RNF216: variants seen among roughly 807,000 people sequenced by gnomAD.
The protein encoded by RNF216 is ring finger protein 216.
A neutral mutation model predicts 110.8 loss-of-function variants in RNF216; 72 were observed. The ratio of observed to expected loss-of-function variants is 0.65; its 90% CI spans 0.54 to 0.79. The LOEUF (loss-of-function observed/expected upper bound fraction) is 0.79, where lower values mean the gene tolerates loss of function less well. Ranked by LOEUF, RNF216 falls within the 30% of genes least tolerant of loss-of-function variation. The pLI is 0.00. For synonymous variants in RNF216, 495 were observed against 407.5 expected (o/e 1.21, Z -2.59); for missense variants, 1,342 against 1,141.2 (o/e 1.18, Z -2.54).
chr7:5,724,526 C>T (rs777902188), intron 8 of RNF216, among the ~76,000 whole-genome samples: 2 of 152,206 alleles, frequency 1.3e-5, no homozygotes, highest in Non-Finnish European at 2.9e-5. Context: ...CTACATTCTG[C>T]CACAGGCCAG....
intron 1 of RNF216, among the ~76,000 whole-genome samples, chr7:5,772,302 A>G (rs536541892): frequency 1.7e-4 from 26 of 152,316 alleles, no homozygotes; most frequent in Admixed American, 1.5e-3. Context: ...TAACAGCAGA[A>G]TAGTCTTTGA....
At chr7:5,646,836 T>G (rs546041376) in intron 14 of RNF216, among the ~76,000 whole-genome samples, 1 of 152,112 alleles carries the variant, frequency 6.6e-6, no homozygotes, top group African/African-American at 2.4e-5. Context: ...ATCTTTGCAG[T>G]TGGAGTACTC....
chr7:5,642,913 C>T (rs1326925385), intron 14 of RNF216, among the ~76,000 whole-genome samples: 1 of 152,028 alleles, frequency 6.6e-6, no homozygotes, highest in East Asian at 1.9e-4. Flanking sequence ...TGTGGCACTC[C>T]AGTTGCCTGG....
rs1795725180 is a variant in RNF216, at chr7:5,757,822, A to G, written c.67+3181T>C. 2.6e-5 allele frequency among the ~76,000 whole-genome samples: 4 copies of G among 152,166 alleles called. No individual in the cohort carries two copies. In the South Asian group the frequency reaches 8.3e-4, roughly 32 times the overall value. ...TTCAGGTGGTATATTCATTTTATAC[A>G]CTTTTAACAAAACTACAGAGGTTGA... On this transcript the variant is annotated intron_variant, in intron 2 of 16. Transcript: ENST00000389902.
intron 3 of RNF216, among the ~76,000 whole-genome samples, chr7:5,749,909 C>G (rs1795242960): frequency 6.6e-6 from 1 of 152,054 alleles, no homozygotes; most frequent in African/African-American, 2.4e-5. Context: ...TGAAACACTG[C>G]TGGTTCTTTT....
At chr7:5,740,603 AG>A (rs1247132579) in intron 4 of RNF216, among the ~76,000 whole-genome samples, 1 of 152,224 alleles carries the variant, frequency 6.6e-6, no homozygotes, top group Non-Finnish European at 1.5e-5. Context: ...AACAGCCACA[AG>A]GAGCTAGTAA....
At chr7:5,674,951 C>A (rs751135288) in intron 13 of RNF216, among the ~76,000 whole-genome samples, 1 of 151,796 alleles carries the variant, frequency 6.6e-6, no homozygotes, top group African/African-American at 2.4e-5. Context: ...GAGCTGAGAT[C>A]GCGCCACTGC....
intron 13 of RNF216, among the ~76,000 whole-genome samples, chr7:5,660,891 G>A (rs1562799815): frequency 6.7e-6 from 1 of 148,914 alleles, no homozygotes; most frequent in Non-Finnish European, 1.5e-5. Flanking sequence ...TTTAACAGAG[G>A]TCTAAAACTC....
At chr7:5,758,922 G>A (rs1389719804) in intron 2 of RNF216, among the ~76,000 whole-genome samples, 1 of 152,164 alleles carries the variant, frequency 6.6e-6, no homozygotes, top group Non-Finnish European at 1.5e-5. Context: ...AGGGGCTGGG[G>A]TGGAATAGTA....
At chr7:5,743,227 A>T (rs1410527376) in intron 3 of RNF216, among the ~76,000 whole-genome samples, 1 of 152,076 alleles carries the variant, frequency 6.6e-6, no homozygotes, top group African/African-American at 2.4e-5. Context: ...GTACCACAGC[A>T]CTCCAGCCTG....
At position 5,747,086 on chromosome 7, in the gene RNF216, A is replaced by G. The variant is rs1022630893; in HGVS notation, c.202-5271T>C. The stretch of plus-strand genomic sequence containing the variant: ...ACCTGAATACTGCATCTACTCCTGA[A>G]TATTCACAGTCTACTAACTCTGAGT... On this transcript the variant is annotated intron_variant, in intron 3 of 16. Coordinates refer to ENST00000389902, the MANE Select transcript of RNF216 (RefSeq NM_207111.4). 3.9e-5 allele frequency among the ~76,000 whole-genome samples: 6 copies of G among 152,238 alleles called. 1 individual carries two copies. The highest frequency in any genetic ancestry group is 3.3e-4 in the Admixed American group (5 of 15,276).
chr7:5,772,981 T>C (rs920420940), intron 1 of RNF216, among the ~76,000 whole-genome samples: 7 of 152,126 alleles, frequency 4.6e-5, no homozygotes, highest in African/African-American at 1.4e-4. Flanking sequence ...GGTTTCACCA[T>C]GTTGGCCAGG....
rs536678327 is a variant in RNF216, at chr7:5,734,035, G to T, written c.1122-3218C>A. Among the ~76,000 whole-genome samples, 8 of 152,192 alleles carry T rather than the reference G, an allele frequency of 5.3e-5. No individual in the cohort carries two copies. In the South Asian group the frequency reaches 8.3e-4, roughly 16 times the overall value. On this transcript the variant is annotated intron_variant, in intron 5 of 16. Coordinates refer to ENST00000389902, the MANE Select transcript of RNF216 (RefSeq NM_207111.4). Reference sequence around the variant, plus strand: ...ATCATGCCACTTAGAAACCCAAAAAGAAAGTATTTTAAAAGCTTAGGAGGG... The same window carrying T: ...ATCATGCCACTTAGAAACCCAAAAATAAAGTATTTTAAAAGCTTAGGAGGG...
intron 3 of RNF216, among the ~76,000 whole-genome samples, 163 bp from the exon 4 acceptor site, chr7:5,741,978 CACTATAT>C (rs1479829949): frequency 6.6e-6 from 1 of 152,112 alleles, no homozygotes; most frequent in African/African-American, 2.4e-5. Flanking sequence ...AATTTGATTA[CACTATAT>C]ACTATCTGTA....
intron 13 of RNF216, among the ~76,000 whole-genome samples, chr7:5,663,741 T>A (rs534839640): frequency 7.8e-6 from 1 of 128,802 alleles, no homozygotes; most frequent in African/African-American, 3.0e-5. Flanking sequence ...CTACTAAAAA[T>A]ACAAAAATTA....
rs559393196 is a variant in RNF216 at position 5,633,440 on chromosome 7, T to A, written c.2382+7714A>T. Among the ~76,000 whole-genome samples, 11 of 152,128 alleles carry A rather than the reference T, an allele frequency of 7.2e-5. No homozygotes were observed. In the South Asian group the frequency reaches 2.3e-3, roughly 32 times the overall value. ...AAATACGAAAATTAGCTGGGCCTGG[T>A]GGCGTGCACCTGTAATCCCAGCTAC... On this transcript the variant is annotated intron_variant, in intron 15 of 16. Transcript: ENST00000389902.
chr7:5,638,417 T>A (rs1453179021), intron 15 of RNF216, among the ~76,000 whole-genome samples: 1 of 152,144 alleles, frequency 6.6e-6, no homozygotes, highest in Non-Finnish European at 1.5e-5. Flanking sequence ...GATAACCTTT[T>A]CTAATTAAGA....
intron 3 of RNF216, among the ~76,000 whole-genome samples, chr7:5,749,440 C>G (rs997914837): frequency 1.3e-5 from 2 of 152,136 alleles, no homozygotes; most frequent in African/African-American, 4.8e-5. Flanking sequence ...CGTGAGCCAC[C>G]ACGTCGGGCC....
intron 15 of RNF216, 24 bp downstream of exon 15, chr7:5,641,130 A>G: frequency 6.6e-7 from 1 of 1,522,778 alleles, no homozygotes; most frequent in Non-Finnish European, 9.1e-7. Flanking sequence ...CTATAAAGCA[A>G]TAGGCAGCCA....
Sources: gnomAD v4.1 joint callset for allele counts (sites outside exome capture counted in the v4.1 genomes callset) on GRCh38, gnomAD v4.1.1 for gene constraint, MANE v1.5 for transcripts, NCBI Gene and HGNC (gene_info 2026-07-23, HGNC 2026-07-21) for gene names.